NRXN3: variants seen among roughly 807,000 people sequenced by gnomAD.
NRXN3 encodes neurexin III.
A neutral mutation model predicts 137.6 loss-of-function variants in NRXN3; 32 were observed. The observed-to-expected ratio is 0.23, with a 90% CI of 0.18 to 0.31. The LOEUF is 0.31. Ranked by LOEUF, NRXN3 falls within the 10% of genes least tolerant of loss-of-function variation. The pLI, the probability that NRXN3 is intolerant of heterozygous loss-of-function variation, is 1.00. For synonymous variants in NRXN3, 798 were observed against 784.5 expected (o/e 1.02, Z -0.29); for missense variants, 1,574 against 2,062.5 (o/e 0.76, Z 4.59).
chr14:79,804,827 A>G (rs2099197198), intron 19 of NRXN3, among the ~76,000 whole-genome samples: 1 of 152,108 alleles, frequency 6.6e-6, no homozygotes, highest in Non-Finnish European at 1.5e-5. Context: ...TAAGGCTACA[A>G]AATGTCATTT....
intron 15 of NRXN3, among the ~76,000 whole-genome samples, chr14:79,209,729 A>T (rs2067356262): frequency 6.6e-6 from 1 of 152,214 alleles, no homozygotes; most frequent in Admixed American, 6.5e-5. Context: ...TTATCACAAG[A>T]CCTAAAAGAG....
intron 15 of NRXN3, among the ~76,000 whole-genome samples, chr14:79,376,521 A>G (rs1170064237): frequency 6.6e-6 from 1 of 152,024 alleles, no homozygotes; most frequent in African/African-American, 2.4e-5. Flanking sequence ...GAAACCAGCT[A>G]GCAGCTCATT....
At chr14:78,422,392 C>T (rs1275230397) in intron 4 of NRXN3, among the ~76,000 whole-genome samples, 1 of 152,194 alleles carries the variant, frequency 6.6e-6, no homozygotes, top group East Asian at 1.9e-4. Flanking sequence ...CCCTCCATTA[C>T]TGGCAGATAG....
At chr14:78,238,410 G>T (rs2066629637) in intron 1 of NRXN3, among the ~76,000 whole-genome samples, 1 of 152,194 alleles carries the variant, frequency 6.6e-6, no homozygotes, top group Non-Finnish European at 1.5e-5. Context: ...TTCAGTAGAG[G>T]GTGGCAGTTG....
chr14:79,545,831 T>C (rs2097314185), intron 16 of NRXN3, among the ~76,000 whole-genome samples: 1 of 152,054 alleles, frequency 6.6e-6, no homozygotes, highest in African/African-American at 2.4e-5. Context: ...CAAACCTGAG[T>C]TGACGTTCCT....
chr14:79,199,611 A>T (rs1245062303), intron 15 of NRXN3, among the ~76,000 whole-genome samples: 1 of 152,220 alleles, frequency 6.6e-6, no homozygotes, highest in African/African-American at 2.4e-5. Flanking sequence ...ATTTAAGGTG[A>T]TATGTGTTAA....
At chr14:79,436,156 T>G (rs2095843317) in intron 15 of NRXN3, among the ~76,000 whole-genome samples, 1 of 152,082 alleles carries the variant, frequency 6.6e-6, no homozygotes. Flanking sequence ...GTTAAACCAT[T>G]GAGGTTATAA....
At chr14:79,299,249 A>G in intron 15 of NRXN3, among the ~76,000 whole-genome samples, 1 of 152,146 alleles carries the variant, frequency 6.6e-6, no homozygotes, top group East Asian at 1.9e-4. Context: ...TCTTGTAAAT[A>G]GTGATCATGA....
intron 4 of NRXN3, among the ~76,000 whole-genome samples, chr14:78,449,029 T>G (rs1289655173): frequency 3.3e-4 from 50 of 152,148 alleles, no homozygotes; most frequent in Admixed American, 3.3e-3. Context: ...ACTCGGTGCC[T>G]TTTTGGATAA....
chr14:78,920,592 C>A (rs780286596), intron 10 of NRXN3, among the ~76,000 whole-genome samples: 55 of 152,124 alleles, frequency 3.6e-4, no homozygotes, highest in Non-Finnish European at 6.6e-4. Context: ...AGGTTAAGGA[C>A]TCAGTCTCAC....
intron 4 of NRXN3, among the ~76,000 whole-genome samples, chr14:78,524,470 G>A (rs938690375): frequency 1.3e-5 from 2 of 152,216 alleles, no homozygotes; most frequent in Non-Finnish European, 2.9e-5. Context: ...TCAGGTGCAT[G>A]GCAGAATGCC....
intron 15 of NRXN3, among the ~76,000 whole-genome samples, chr14:79,441,314 A>T (rs2095940563): frequency 6.6e-6 from 1 of 151,576 alleles, no homozygotes; most frequent in African/African-American, 2.4e-5. Context: ...GAGGGAAATA[A>T]ACAGCTGTCC....
At chr14:79,436,633 C>A (rs1266575480) in intron 15 of NRXN3, among the ~76,000 whole-genome samples, 1 of 152,130 alleles carries the variant, frequency 6.6e-6, no homozygotes, top group Non-Finnish European at 1.5e-5. Context: ...TGTAAGTGAT[C>A]TTGATCTGCT....
intron 15 of NRXN3, among the ~76,000 whole-genome samples, chr14:78,990,175 A>T (rs901446286): frequency 1.3e-5 from 2 of 152,160 alleles, no homozygotes; most frequent in African/African-American, 4.8e-5. Context: ...TAGTAAATCT[A>T]GGTTTAGGGC....
intron 15 of NRXN3, among the ~76,000 whole-genome samples, chr14:79,138,674 T>C (rs1369620894): frequency 6.6e-6 from 1 of 152,194 alleles, no homozygotes; most frequent in African/African-American, 2.4e-5. Context: ...GCATATCTTG[T>C]TAAAATCACT....
At chr14:79,811,793 A>G (rs2140860721) in intron 20 of NRXN3, among the ~76,000 whole-genome samples, 1 of 151,696 alleles carries the variant, frequency 6.6e-6, no homozygotes, top group Non-Finnish European at 1.5e-5. Flanking sequence ...CATGTTAGCC[A>G]GGATGGTCTC....
rs537579201 is a variant in NRXN3 at position 79,489,769 on chromosome 14, G to A, written c.3444+22367G>A. Among the ~76,000 whole-genome samples, 260 of 152,168 alleles carry A rather than the reference G, an allele frequency of 1.7e-3. 1 individual carries two copies. The highest frequency in any genetic ancestry group is 5.7e-3 in the African/African-American group (237 of 41,510). On this transcript the variant is annotated intron_variant, in intron 16 of 20. Transcript: ENST00000335750. Reference sequence around the variant, plus strand: ...TATCTGGTAATTTCGGCCGGGCGTGGTGGCTCACACCTGTAGTCCCAGCAC... The same window carrying A: ...TATCTGGTAATTTCGGCCGGGCGTGATGGCTCACACCTGTAGTCCCAGCAC...
chr14:78,371,280 A>T (rs187652389), intron 4 of NRXN3, among the ~76,000 whole-genome samples: 195 of 152,338 alleles, frequency 1.3e-3, no homozygotes, highest in Non-Finnish European at 1.9e-3. Context: ...GATACTTCAG[A>T]TAGACGTGGC....
intron 20 of NRXN3, among the ~76,000 whole-genome samples, chr14:79,808,774 G>A (rs1037940237): frequency 6.6e-5 from 10 of 152,176 alleles, no homozygotes; most frequent in African/African-American, 2.2e-4. Flanking sequence ...ATTTTCATAT[G>A]AGCATCAAAT....
Sources: allele counts gnomAD v4.1 joint callset (sites outside exome capture counted in the v4.1 genomes callset), GRCh38; gene constraint gnomAD v4.1.1; transcripts MANE v1.5; gene names NCBI Gene and HGNC (gene_info 2026-07-23, HGNC 2026-07-21).